Variants in GNB1 observed in about 807,000 individuals in gnomAD.
GNB1 encodes the protein G protein subunit beta 1.
GNB1 carries 2 observed loss-of-function variants against 42.9 expected under a neutral mutation model. That is an observed-to-expected ratio of 0.05 (90% CI 0.02 to 0.15). GNB1 has a LOEUF of 0.15. Among genes scored for constraint, GNB1 ranks in the 10% least tolerant of loss-of-function variants. GNB1 has a pLI of 1.00. For synonymous variants in GNB1, 183 were observed against 174.7 expected, an observed-to-expected ratio of 1.05 and a Z score of -0.38; for missense variants, 193 against 462.2, an observed-to-expected ratio of 0.42 and a Z score of 5.34.
chr1:1,785,886 A>G lies in GNB1; in HGVS notation c.*1177T>C, dbSNP rs892138112. 2.5e-6 allele frequency: 1 copy of G among 398,408 alleles called. No individual in the cohort carries two copies. The highest frequency in any genetic ancestry group is 4.4e-5 in the Admixed American group (1 of 22,650). The allele number at this position is 398,408 out of a possible 1,614,324, so 24.7% of individuals were successfully genotyped here. On this transcript the variant is annotated 3_prime_UTR_variant, in exon 12 of 12. Coordinates refer to ENST00000378609, the MANE Select transcript of GNB1 (RefSeq NM_002074.5). ...AGAGCCGCGCGCTGTACTGCTTCCG[A>G]TATGTGCCACAGAGCAGCAACGAGA...
chr1:1,889,403 A>G (rs1452824185), intron 1 of GNB1, among the ~76,000 whole-genome samples: 1 of 152,224 alleles, frequency 6.6e-6, no homozygotes, highest in Non-Finnish European at 1.5e-5. Flanking sequence ...ATTTACCCAT[A>G]AGTCCAGTAC....
At chr1:1,832,855 T>C (rs1647095140) in intron 2 of GNB1, among the ~76,000 whole-genome samples, 1 of 152,204 alleles carries the variant, frequency 6.6e-6, no homozygotes, top group South Asian at 2.1e-4. Flanking sequence ...CTAAATTGTT[T>C]TTTACTCTAA....
intron 5 of GNB1, among the ~76,000 whole-genome samples, chr1:1,813,749 C>T (rs770368722): frequency 6.6e-6 from 1 of 152,192 alleles, no homozygotes; most frequent in Non-Finnish European, 1.5e-5. Context: ...CCTTGGCCTC[C>T]CAAAGTGCTG....
At chr1:1,889,774 T>C (rs1650368958) in intron 1 of GNB1, among the ~76,000 whole-genome samples, 1 of 152,168 alleles carries the variant, frequency 6.6e-6, no homozygotes, top group Middle Eastern at 3.2e-3. Flanking sequence ...AAAATATCAT[T>C]TGAATCAACT....
chr1:1,859,482 T>C (rs1322481261), intron 1 of GNB1, among the ~76,000 whole-genome samples: 1 of 151,642 alleles, frequency 6.6e-6, no homozygotes, highest in Non-Finnish European at 1.5e-5. Flanking sequence ...ATCCTGTCTC[T>C]TCAAACAAAC....
chr1:1,824,708 G>A (rs573435021), intron 3 of GNB1, among the ~76,000 whole-genome samples: 1 of 152,002 alleles, frequency 6.6e-6, no homozygotes, highest in African/African-American at 2.4e-5. Context: ...GAGTAGCTGG[G>A]AATACAGGCA....
rs114125058 is a variant in GNB1 at position 1,858,249 on chromosome 1, A to C, written c.-95-19011T>G. 8.2e-3 allele frequency among the ~76,000 whole-genome samples: 1,252 copies of C among 152,370 alleles called. 21 individuals are homozygous for C. Among genetic ancestry groups the C allele is most frequent in the African/African-American group, 0.029 (1,215 of 41,596 alleles). ...GAATCATGGAACATCCAATAAAGGC[A>C]GTCACTTGTTATTCTGACAAGTCAT... is the stretch of plus-strand genomic sequence containing the variant. On this transcript the variant is annotated intron_variant, in intron 1 of 11. Transcript: ENST00000378609.
chr1:1,881,733 C>G (rs1649858168), intron 1 of GNB1, among the ~76,000 whole-genome samples: 1 of 152,162 alleles, frequency 6.6e-6, no homozygotes, highest in Non-Finnish European at 1.5e-5. Flanking sequence ...GACTGTAAAC[C>G]TTTTGGCTTC....
At chr1:1,797,109 G>A (rs1056793462) in intron 7 of GNB1, among the ~76,000 whole-genome samples, 3 of 152,192 alleles carry the variant, frequency 2.0e-5, no homozygotes, top group Non-Finnish European at 2.9e-5. Flanking sequence ...ACACACAAGC[G>A]TGGCCAGATG....
intron 6 of GNB1, among the ~76,000 whole-genome samples, chr1:1,804,912 C>A (rs1390674987): frequency 6.6e-6 from 1 of 152,218 alleles, no homozygotes; most frequent in Non-Finnish European, 1.5e-5. Flanking sequence ...GTAATCCCAG[C>A]ACTTTGGGAG....
At chr1:1,854,053 C>T (rs763135128) in intron 1 of GNB1, among the ~76,000 whole-genome samples, 4 of 152,200 alleles carry the variant, frequency 2.6e-5, no homozygotes, top group Non-Finnish European at 4.4e-5. Flanking sequence ...CAGGGGAGTC[C>T]GTAGGAAACA....
At chr1:1,864,581 T>A (rs1021390236) in intron 1 of GNB1, among the ~76,000 whole-genome samples, 2 of 152,146 alleles carry the variant, frequency 1.3e-5, no homozygotes, top group African/African-American at 4.8e-5. Context: ...AGGAGCATGT[T>A]CCACCTAACA....
chr1:1,824,129 C>T (rs1646967022), intron 3 of GNB1, among the ~76,000 whole-genome samples: 1 of 152,216 alleles, frequency 6.6e-6, no homozygotes, highest in African/African-American at 2.4e-5. Context: ...AAAGCTCTTA[C>T]ATCAAATGGA....
chr1:1,844,222 A>G (rs1423574418), intron 1 of GNB1, among the ~76,000 whole-genome samples: 1 of 150,874 alleles, frequency 6.6e-6, no homozygotes, highest in Non-Finnish European at 1.5e-5. Context: ...AAATAAAAAT[A>G]AATTTAAAAA....
chr1:1,853,517 G>A (rs778745926), intron 1 of GNB1, among the ~76,000 whole-genome samples: 4 of 151,962 alleles, frequency 2.6e-5, no homozygotes, highest in Non-Finnish European at 4.4e-5. Flanking sequence ...CAAAGAATGA[G>A]AGCCAATTTT....
intron 3 of GNB1, among the ~76,000 whole-genome samples, chr1:1,820,272 C>T (rs531757217): frequency 6.8e-6 from 1 of 147,278 alleles, no homozygotes; most frequent in Non-Finnish European, 1.5e-5. Flanking sequence ...GCAGGAGAAT[C>T]GCTTGAACCT....
intron 1 of GNB1, among the ~76,000 whole-genome samples, chr1:1,882,688 C>T (rs976003115): frequency 6.6e-6 from 1 of 151,846 alleles, no homozygotes; most frequent in African/African-American, 2.4e-5. Flanking sequence ...TTTGGGAGGC[C>T]GAGGCAGGCA....
chr1:1,868,266 C>T (rs1471878512), intron 1 of GNB1, among the ~76,000 whole-genome samples: 1 of 152,158 alleles, frequency 6.6e-6, no homozygotes, highest in Non-Finnish European at 1.5e-5. Context: ...ACCTCTGCCT[C>T]CCGGGTTCGA....
chr1:1,847,526 G>T (rs1329509564), intron 1 of GNB1, among the ~76,000 whole-genome samples: 2 of 152,126 alleles, frequency 1.3e-5, no homozygotes, highest in Non-Finnish European at 2.9e-5. Context: ...GACCTTTAAG[G>T]CTCATAACAC....
Sources: gnomAD v4.1 joint callset for allele counts (sites outside exome capture counted in the v4.1 genomes callset) on GRCh38, gnomAD v4.1.1 for gene constraint, MANE v1.5 for transcripts, NCBI Gene and HGNC (gene_info 2026-07-23, HGNC 2026-07-21) for gene names.